The following ZBTB2 variants were observed in gnomAD, a reference collection of about 807,000 sequenced individuals.
The protein encoded by ZBTB2 is zinc finger and BTB domain containing 2, also known as zinc finger and BTB domain-containing protein 2.
ZBTB2 carries 2 observed loss-of-function variants against 39.5 expected under a neutral mutation model. The observed-to-expected ratio is 0.05, with a 90% confidence interval of 0.02 to 0.16. The LOEUF (loss-of-function observed/expected upper bound fraction) is 0.16, where lower values mean the gene tolerates loss of function less well. Among genes scored for constraint, ZBTB2 ranks in the 10% least tolerant of loss-of-function variants. The pLI, the probability that ZBTB2 is intolerant of heterozygous loss-of-function variation, is 1.00. For missense variants in ZBTB2, 391 were observed against 653.0 expected (o/e 0.60, Z 4.37); for synonymous variants, 251 against 256.6 (o/e 0.98, Z 0.21).
chr6:151,374,930 T>TAAAAAAAAAAAAAAAAAAAAAAAAAAAAA (rs71556221), intron 1 of ZBTB2, among the ~76,000 whole-genome samples: 1 of 63,838 alleles, frequency 1.6e-5, no homozygotes, highest in Non-Finnish European at 3.1e-5. Context: ...CCGTCTCTAC[T>TAAAAAAAAAAAAAAAAAAAAAAAAAAAAA]AAAAAAAAAA....
chr6:151,389,557 C>A (rs1562772828), intron 1 of ZBTB2, among the ~76,000 whole-genome samples: 3 of 152,196 alleles, frequency 2.0e-5, no homozygotes, highest in Non-Finnish European at 4.4e-5. Flanking sequence ...TTTAAGCAAA[C>A]CCAGAGACCC....
At chr6:151,386,444 G>A (rs963785918) in intron 1 of ZBTB2, among the ~76,000 whole-genome samples, 1 of 152,184 alleles carries the variant, frequency 6.6e-6, no homozygotes, top group Non-Finnish European at 1.5e-5. Context: ...TGAGGTGGGA[G>A]GATTGCTTGA....
intron 2 of ZBTB2, among the ~76,000 whole-genome samples, chr6:151,368,000 G>A (rs909405000): frequency 2.0e-5 from 3 of 152,158 alleles, no homozygotes; most frequent in Admixed American, 6.5e-5. Flanking sequence ...TCCACTGAGT[G>A]GATATTCTAT....
At chr6:151,376,890 C>T (rs1455719487) in intron 1 of ZBTB2, among the ~76,000 whole-genome samples, 1 of 152,190 alleles carries the variant, frequency 6.6e-6, no homozygotes, top group African/African-American at 2.4e-5. Context: ...AAAACCTGTA[C>T]AGGAATGTCC....
At chr6:151,389,476 C>T (rs969392653) in intron 1 of ZBTB2, among the ~76,000 whole-genome samples, 32 of 152,326 alleles carry the variant, frequency 2.1e-4, no homozygotes, top group African/African-American at 7.0e-4. Context: ...GTGGTGTGTA[C>T]AACTCGCCCT....
intron 2 of ZBTB2, among the ~76,000 whole-genome samples, chr6:151,368,630 A>C (rs1778704152): frequency 6.7e-6 from 1 of 149,290 alleles, no homozygotes; most frequent in East Asian, 2.0e-4. Flanking sequence ...GTTTTTGTGT[A>C]TTTAGTAGGG....
intron 1 of ZBTB2, among the ~76,000 whole-genome samples, chr6:151,387,518 A>T (rs1456591254): frequency 6.6e-6 from 1 of 152,232 alleles, no homozygotes; most frequent in African/African-American, 2.4e-5. Context: ...TTGGGGACTC[A>T]GAGAACCTAA....
intron 1 of ZBTB2, among the ~76,000 whole-genome samples, chr6:151,373,870 A>C (rs73780654): frequency 0.12 from 14,416 of 123,980 alleles, 1,847 homozygotes; most frequent in African/African-American, 0.32. Context: ...AAAAAAAAAA[A>C]AAAAAAACCA....
rs758323450 is a variant in ZBTB2 at position 151,365,743 on chromosome 6, C to G, written c.1323G>C (p.Leu441=). 1.1e-5 allele frequency: 17 copies of G among 1,614,046 alleles called. No homozygotes were observed. Among genetic ancestry groups the G allele is most frequent in the Non-Finnish European group, 1.4e-5 (16 of 1,180,046 alleles). Residue 441 remains leucine, a synonymous_variant, in exon 3 of 3, where the codon CTG becomes CTC. Transcript: ENST00000325144. The surrounding 1 kb of genome is among the most constrained non-coding windows in gnomAD (Gnocchi z 5.6). ...FEEGSQMDNM[L]VQTNKPYKCN... ...ATTTGTAGGGTTTGTTTGTTTGCAC[C>G]AGCATGTTGTCCATCTGACTCCCTT...
At position 151,366,299 on chromosome 6, in the gene ZBTB2, C is replaced by T; in HGVS notation, c.767G>A (p.Cys256Tyr). The T allele has an allele frequency of 6.2e-7, 1 of 1,614,124 alleles. No homozygotes were observed. Among genetic ancestry groups the T allele is most frequent in the Non-Finnish European group, 8.5e-7 (1 of 1,180,024 alleles). The change falls in exon 3 of 3, where the codon TGC (cysteine) becomes TAC (tyrosine). Residue 256 changes from cysteine to tyrosine, a missense_variant. Physicochemically the swap from Cys to Tyr is radical, Grantham distance 194 (BLOSUM62 -2). This residue lies in a region of ZBTB2 where 80 missense variants were observed against 125.2 expected (regional missense o/e 0.64). Coordinates refer to ENST00000325144, the MANE Select transcript of ZBTB2 (RefSeq NM_020861.3). The surrounding 1 kb of genome is among the most constrained non-coding windows in gnomAD (Gnocchi z 7.1). ...AGTGAAGCGCCGTCCACACAGGTGG[C>T]AGGCATAGTACTTTGGAAAGCTCCC... ...RNGSFPKYYACHLCGRRFTLR... is the reference protein window; with the variant it reads ...RNGSFPKYYAYHLCGRRFTLR...
intron 1 of ZBTB2, among the ~76,000 whole-genome samples, chr6:151,376,281 C>CAA (rs1778907045): frequency 6.6e-6 from 1 of 152,116 alleles, no homozygotes; most frequent in African/African-American, 2.4e-5. Context: ...TAGGGCTAGT[C>CAA]AAAGAGTTTT....
chr6:151,381,291 C>A (rs920790364), intron 1 of ZBTB2, among the ~76,000 whole-genome samples: 6 of 152,090 alleles, frequency 3.9e-5, no homozygotes, highest in African/African-American at 1.4e-4. Context: ...GAGGCTGAGG[C>A]GGGCAGATCA....
intron 1 of ZBTB2, among the ~76,000 whole-genome samples, chr6:151,389,726 G>A (rs916022219): frequency 6.6e-6 from 1 of 152,102 alleles, no homozygotes; most frequent in Admixed American, 6.6e-5. Flanking sequence ...AGCGAGAGCC[G>A]GGTTATATCC....
In ZBTB2 at chr6:151,366,339, T is replaced by C; in HGVS notation, c.727A>G (p.Ile243Val). Reference protein sequence around the residue: ...SLTIAHVKPSIMKRNGSFPKY... With the variant: ...SLTIAHVKPSVMKRNGSFPKY... ...GGAAAGCTCCCATTCCTCTTCATGATGCTTGGCTTGACGTGGGCTATTGTG... is the reference window on the plus strand; with the variant it reads ...GGAAAGCTCCCATTCCTCTTCATGACGCTTGGCTTGACGTGGGCTATTGTG... Residue 243 changes from isoleucine to valine, a missense_variant, in exon 3 of 3, where the codon ATC becomes GTC. Ile to Val is a conservative substitution (Grantham distance 29, BLOSUM62 3). Coordinates refer to ENST00000325144, the MANE Select transcript of ZBTB2 (RefSeq NM_020861.3). This position sits in a 1 kb window ranked among gnomAD's most constrained non-coding sequence, Gnocchi z 7.1. 1 of 1,614,110 alleles carries C rather than the reference T, an allele frequency of 6.2e-7. No individual in the cohort carries two copies.
At chr6:151,367,998 G>C (rs752335497) in intron 2 of ZBTB2, among the ~76,000 whole-genome samples, 9 of 152,184 alleles carry the variant, frequency 5.9e-5, no homozygotes, top group Non-Finnish European at 1.3e-4. Context: ...ATTCCACTGA[G>C]TGGATATTCT....
intron 1 of ZBTB2, among the ~76,000 whole-genome samples, chr6:151,388,521 G>A (rs1779212608): frequency 6.6e-6 from 1 of 152,144 alleles, no homozygotes; most frequent in South Asian, 2.1e-4. Context: ...CTATGGGGTT[G>A]GGGTGAATAC....
At position 151,381,312 on chromosome 6, in the gene ZBTB2, G is replaced by C. The variant is rs534166734; in HGVS notation, c.-12-7663C>G. Among the ~76,000 whole-genome samples the C allele has an allele frequency of 2.6e-5, 4 of 152,266 alleles. No homozygotes were observed. The East Asian group carries it at 7.7e-4, about 29-fold the overall frequency. On this transcript the variant is annotated intron_variant, in intron 1 of 2. Transcript: ENST00000325144. ...GAGGCGGGCAGATCACCTGACGTCA[G>C]GAGTTTGAGGCCAGCCTGGCCAACA...
At chr6:151,391,091 T>C (rs1232281239) in intron 1 of ZBTB2, among the ~76,000 whole-genome samples, 1 of 139,886 alleles carries the variant, frequency 7.1e-6, no homozygotes, top group African/African-American at 2.6e-5. Flanking sequence ...AAACCCCGGA[T>C]GGAGGCGCCG....
At chr6:151,387,847 A>G (rs1779193885) in intron 1 of ZBTB2, among the ~76,000 whole-genome samples, 2 of 152,178 alleles carry the variant, frequency 1.3e-5, no homozygotes, top group South Asian at 2.1e-4. Context: ...ATGGATCTAC[A>G]TATGTTGGGC....
Sources: gnomAD v4.1 joint callset for allele counts (sites outside exome capture counted in the v4.1 genomes callset) on GRCh38, gnomAD v4.1.1 for gene constraint, gnomAD v4.1.1 regional missense constraint, Gnocchi (gnomAD v3.1) non-coding constraint, MANE v1.5 for transcripts, NCBI Gene and HGNC (gene_info 2026-07-23, HGNC 2026-07-21) for gene names.